The following KCNK2 variants were observed in gnomAD, a reference collection of about 807,000 sequenced individuals.
KCNK2 encodes the protein potassium channel subfamily K member 2.
Under a neutral mutation model 40.5 loss-of-function variants are expected in KCNK2, and 21 were observed. The ratio of observed to expected loss-of-function variants is 0.52; its 90% CI spans 0.37 to 0.75. KCNK2 has a LOEUF of 0.75. Ranked by LOEUF, KCNK2 falls within the 30% of genes least tolerant of loss-of-function variation. The pLI is 0.00. For synonymous variants in KCNK2, 191 were observed against 202.2 expected, an observed-to-expected ratio of 0.94 and a Z score of 0.47; for missense variants, 399 against 531.6, an observed-to-expected ratio of 0.75 and a Z score of 2.45.
At chr1:215,162,099 T>G (rs547957900) in intron 3 of KCNK2, among the ~76,000 whole-genome samples, 1 of 152,296 alleles carries the variant, frequency 6.6e-6, no homozygotes, top group South Asian at 2.1e-4. Flanking sequence ...TTTCCTGACT[T>G]TTTAACAATC....
intron 3 of KCNK2, among the ~76,000 whole-genome samples, chr1:215,127,792 G>A (rs1661497615): frequency 6.6e-6 from 1 of 152,058 alleles, no homozygotes; most frequent in Non-Finnish European, 1.5e-5. Context: ...AATTATTTTT[G>A]AAACTAAAAA....
chr1:215,130,113 A>G (rs1661602725), intron 3 of KCNK2, among the ~76,000 whole-genome samples: 1 of 152,180 alleles, frequency 6.6e-6, no homozygotes, highest in African/African-American at 2.4e-5. Context: ...TGATTATCAG[A>G]TTGGAACTTT....
At chr1:215,215,419 C>CA (rs1483693814) in intron 6 of KCNK2, among the ~76,000 whole-genome samples, 2 of 151,692 alleles carry the variant, frequency 1.3e-5, no homozygotes, top group Non-Finnish European at 2.9e-5. Context: ...TAAATGGATA[C>CA]AAAAAAATAG....
chr1:215,169,418 T>G, intron 4 of KCNK2, 59 bp downstream of exon 4: 1 of 1,340,140 alleles, frequency 7.5e-7, no homozygotes, highest in Non-Finnish European at 1.0e-6. Flanking sequence ...TAAAAAATTA[T>G]ATCTTTTCTG....
intron 3 of KCNK2, among the ~76,000 whole-genome samples, chr1:215,159,750 A>G (rs868274330): frequency 2.6e-5 from 4 of 152,302 alleles, no homozygotes; most frequent in Middle Eastern, 3.4e-3. Context: ...CCTACAAATA[A>G]CTTATTAATT....
intron 6 of KCNK2, among the ~76,000 whole-genome samples, chr1:215,202,553 G>A (rs1396992819): frequency 6.6e-6 from 1 of 152,138 alleles, no homozygotes; most frequent in Non-Finnish European, 1.5e-5. Context: ...CCCTAATTAT[G>A]TCTCTATGTA....
chr1:215,115,899 T>C (rs2102569562), intron 2 of KCNK2, among the ~76,000 whole-genome samples: 1 of 151,840 alleles, frequency 6.6e-6, no homozygotes, highest in East Asian at 1.9e-4. Flanking sequence ...CGCTTCAGTG[T>C]GCTTGCTTCA....
chr1:215,114,205 G>C (rs1489000480), intron 2 of KCNK2, among the ~76,000 whole-genome samples: 1 of 152,108 alleles, frequency 6.6e-6, no homozygotes, highest in Non-Finnish European at 1.5e-5. Flanking sequence ...CTTTCATAGG[G>C]TGCTGTGCTC....
At chr1:215,143,392 T>G (rs975666342) in intron 3 of KCNK2, among the ~76,000 whole-genome samples, 3 of 152,160 alleles carry the variant, frequency 2.0e-5, no homozygotes, top group Admixed American at 1.3e-4. Flanking sequence ...CAGTGGGTTT[T>G]AAAATGTCAT....
intron 5 of KCNK2, among the ~76,000 whole-genome samples, chr1:215,194,667 A>G (rs1558133143): frequency 6.6e-6 from 1 of 152,210 alleles, no homozygotes; most frequent in Non-Finnish European, 1.5e-5. Flanking sequence ...CTAGACTGAG[A>G]TGGATTATAT....
intron 6 of KCNK2, among the ~76,000 whole-genome samples, chr1:215,224,449 C>T (rs910259664): frequency 2.0e-5 from 3 of 152,078 alleles, no homozygotes; most frequent in African/African-American, 2.4e-5. Context: ...ATTGGCTTTA[C>T]TTTCTTGCAA....
intron 3 of KCNK2, among the ~76,000 whole-genome samples, chr1:215,153,580 A>T (rs77359591): frequency 0.022 from 2,312 of 105,012 alleles, 27 homozygotes; most frequent in Middle Eastern, 0.052. Context: ...ATATATATAT[A>T]TTTTTTTTTC....
At chr1:215,120,543 T>A (rs965402614) in intron 2 of KCNK2, among the ~76,000 whole-genome samples, 2 of 152,206 alleles carry the variant, frequency 1.3e-5, no homozygotes, top group Non-Finnish European at 2.9e-5. Flanking sequence ...TGGAAACATT[T>A]AGTTCTTCCT....
chr1:215,041,881 A>T (rs1413951566), intron 1 of KCNK2, among the ~76,000 whole-genome samples: 1 of 152,178 alleles, frequency 6.6e-6, no homozygotes, highest in Non-Finnish European at 1.5e-5. Context: ...GGTAATTTAT[A>T]AAGAAAAAGA....
intron 1 of KCNK2, among the ~76,000 whole-genome samples, chr1:215,026,737 GA>G: frequency 6.6e-6 from 1 of 151,860 alleles, no homozygotes; most frequent in Non-Finnish European, 1.5e-5. Flanking sequence ...CATTCCATAT[GA>G]ACTTTAAGTT....
intron 1 of KCNK2, among the ~76,000 whole-genome samples, chr1:215,027,289 A>G (rs535895077): frequency 1.4e-4 from 21 of 152,282 alleles, no homozygotes; most frequent in South Asian, 1.2e-3. Context: ...TATTGAATAA[A>G]CATAGTGATA....
chr1:215,015,452 A>G (rs1487383593), intron 1 of KCNK2, among the ~76,000 whole-genome samples: 2 of 152,146 alleles, frequency 1.3e-5, no homozygotes, highest in Non-Finnish European at 2.9e-5. Context: ...ACCACATAAA[A>G]TTGAGGCTTC....
intron 1 of KCNK2, among the ~76,000 whole-genome samples, chr1:215,062,468 G>A (rs1357905428): frequency 6.6e-6 from 1 of 151,616 alleles, no homozygotes; most frequent in Non-Finnish European, 1.5e-5. Context: ...GAACACACTG[G>A]GAAAATAAAT....
At chr1:215,010,113 GTTTA>G (rs2102469519) in intron 1 of KCNK2, among the ~76,000 whole-genome samples, 1 of 152,226 alleles carries the variant, frequency 6.6e-6, no homozygotes, top group South Asian at 2.1e-4. Context: ...AGTTACATCT[GTTTA>G]TTTGAGTCTA....
Sources: allele counts gnomAD v4.1 joint callset (sites outside exome capture counted in the v4.1 genomes callset), GRCh38; gene constraint gnomAD v4.1.1; transcripts MANE v1.5; gene names NCBI Gene and HGNC (gene_info 2026-07-23, HGNC 2026-07-21).